Variants in CSMD1 observed in about 807,000 individuals in gnomAD.
CSMD1 encodes CUB and sushi domain-containing protein 1.
A neutral mutation model predicts 417.5 loss-of-function variants in CSMD1; 213 were observed. That is an observed-to-expected ratio of 0.51 (90% confidence interval 0.46 to 0.57). The LOEUF is 0.57. Among genes scored for constraint, CSMD1 ranks in the 20% least tolerant of loss-of-function variants. The pLI, the probability that CSMD1 is intolerant of heterozygous loss-of-function variation, is 0.00. For synonymous variants in CSMD1, 2,862 were observed against 1,736.8 expected (o/e 1.65, Z -16.11); for missense variants, 6,923 against 4,529.7 (o/e 1.53, Z -15.17).
rs1456927947 is a variant in CSMD1 at position 4,829,011 on chromosome 8, T to C, written c.85+165321A>G. 3.9e-5 allele frequency among the ~76,000 whole-genome samples: 6 copies of C among 152,186 alleles called. No individual in the cohort carries two copies. The East Asian group carries it at 1.2e-3, about 29-fold the overall frequency. On this transcript the variant is annotated intron_variant, in intron 1 of 69. Coordinates refer to ENST00000635120, the MANE Select transcript of CSMD1 (RefSeq NM_033225.6). ...TTTATCAAAACTGCACTAATTATTATTATTAGAGATACATTATGATATTGA... is the reference window on the plus strand; with the variant it reads ...TTTATCAAAACTGCACTAATTATTACTATTAGAGATACATTATGATATTGA...
chr8:4,259,281 G>A (rs918051053), intron 3 of CSMD1, among the ~76,000 whole-genome samples: 2 of 152,058 alleles, frequency 1.3e-5, no homozygotes, highest in African/African-American at 2.4e-5. Flanking sequence ...TCCCTGGCTG[G>A]CATTTGAAAT....
At chr8:3,424,499 G>A (rs1374039199) in intron 12 of CSMD1, among the ~76,000 whole-genome samples, 1 of 152,094 alleles carries the variant, frequency 6.6e-6, no homozygotes, top group African/African-American at 2.4e-5. Flanking sequence ...TGTCCCTTAG[G>A]TCATATAGAG....
intron 10 of CSMD1, among the ~76,000 whole-genome samples, chr8:3,556,587 C>G (rs1008651796): frequency 7.3e-5 from 11 of 151,072 alleles, no homozygotes; most frequent in African/African-American, 2.7e-4. Context: ...AGTTCAATAT[C>G]ACTCTATCAT....
chr8:3,911,670 G>T (rs1808477215), intron 5 of CSMD1, among the ~76,000 whole-genome samples: 1 of 151,824 alleles, frequency 6.6e-6, no homozygotes, highest in African/African-American at 2.4e-5. Flanking sequence ...ACATGTCATT[G>T]CTTGTCGGAG....
chr8:3,105,179 A>G lies in CSMD1; in HGVS notation c.6949+1349T>C, dbSNP rs79573017. On this transcript the variant is annotated intron_variant, in intron 46 of 69. Transcript: ENST00000635120. ...TCGGTGAGTCTTTACAACAATCTCAAAAATAAAGCGGATAAATCATCCTCT... is the reference window on the plus strand; with the variant it reads ...TCGGTGAGTCTTTACAACAATCTCAGAAATAAAGCGGATAAATCATCCTCT... Among the ~76,000 whole-genome samples the G allele has an allele frequency of 7.6e-3, 1,163 of 152,340 alleles. 14 individuals carry two copies. The highest frequency in any genetic ancestry group is 0.026 in the African/African-American group (1,084 of 41,582).
intron 65 of CSMD1, among the ~76,000 whole-genome samples, chr8:2,952,270 T>TCTTCAA: frequency 6.6e-6 from 1 of 152,130 alleles, no homozygotes; most frequent in Admixed American, 6.5e-5. Flanking sequence ...TGAAGATTCA[T>TCTTCAA]GTCTCCCTAA....
intron 4 of CSMD1, among the ~76,000 whole-genome samples, chr8:3,999,513 G>A (rs907652467): frequency 6.6e-6 from 1 of 152,138 alleles, no homozygotes; most frequent in Non-Finnish European, 1.5e-5. Context: ...AATCTTGTCG[G>A]CAACAGTAAG....
intron 10 of CSMD1, among the ~76,000 whole-genome samples, chr8:3,507,854 TTTG>T (rs1796895854): frequency 6.6e-6 from 1 of 152,084 alleles, no homozygotes; most frequent in Admixed American, 6.5e-5. Context: ...GATGGGGTTG[TTTG>T]TTTTTTTTCT....
chr8:4,145,092 G>A (rs1412745158), intron 3 of CSMD1, among the ~76,000 whole-genome samples: 1 of 151,168 alleles, frequency 6.6e-6, no homozygotes, highest in Admixed American at 6.6e-5. Flanking sequence ...TGTTAAAAAT[G>A]TAACTTGGTT....
intron 3 of CSMD1, among the ~76,000 whole-genome samples, chr8:4,359,686 C>A (rs1461499823): frequency 6.6e-6 from 1 of 152,156 alleles, no homozygotes; most frequent in Non-Finnish European, 1.5e-5. Context: ...AATCCTCAGC[C>A]CTCTGGGTTT....
At chr8:4,101,816 A>G (rs1801318532) in intron 3 of CSMD1, among the ~76,000 whole-genome samples, 1 of 113,376 alleles carries the variant, frequency 8.8e-6, no homozygotes, top group Non-Finnish European at 1.8e-5. Flanking sequence ...TGAACGGAGA[A>G]TTACTCACTC....
chr8:3,356,228 G>A (rs191726982), intron 21 of CSMD1, among the ~76,000 whole-genome samples: 1 of 152,194 alleles, frequency 6.6e-6, no homozygotes, highest in South Asian at 2.1e-4. Context: ...TATAATTTTA[G>A]AGAAAGGAAC....
At chr8:3,620,781 G>T (rs149615361) in intron 7 of CSMD1, among the ~76,000 whole-genome samples, 32 of 152,188 alleles carry the variant, frequency 2.1e-4, no homozygotes, top group African/African-American at 7.2e-4. Flanking sequence ...TATGAAAATT[G>T]AATAACAACA....
chr8:4,916,066 C>G (rs943188828), intron 1 of CSMD1, among the ~76,000 whole-genome samples: 1 of 152,218 alleles, frequency 6.6e-6, no homozygotes, highest in African/African-American at 2.4e-5. Flanking sequence ...GCAACGCCAG[C>G]ACTTCAGATT....
At chr8:4,697,229 T>C (rs552394383) in intron 1 of CSMD1, among the ~76,000 whole-genome samples, 1 of 152,224 alleles carries the variant, frequency 6.6e-6, no homozygotes, top group South Asian at 2.1e-4. Context: ...TATTTTTGAT[T>C]CTAGAACAGA....
chr8:3,124,521 A>C (rs1817384676), intron 41 of CSMD1, among the ~76,000 whole-genome samples: 1 of 152,220 alleles, frequency 6.6e-6, no homozygotes, highest in Non-Finnish European at 1.5e-5. Context: ...CAGCCAAAGG[A>C]AATAGTATGT....
intron 21 of CSMD1, among the ~76,000 whole-genome samples, chr8:3,351,337 G>A (rs1461154557): frequency 1.3e-5 from 2 of 151,882 alleles, no homozygotes; most frequent in East Asian, 1.9e-4. Flanking sequence ...TTGGCCAGGC[G>A]TGGTGACCCA....
chr8:3,822,816 A>T (rs1448696364), intron 5 of CSMD1, among the ~76,000 whole-genome samples: 1 of 148,708 alleles, frequency 6.7e-6, no homozygotes, highest in Admixed American at 6.7e-5. Context: ...CTTTGGGCTT[A>T]TTTTTTTTTT....
intron 3 of CSMD1, among the ~76,000 whole-genome samples, chr8:4,057,944 G>C (rs1010126672): frequency 2.0e-5 from 3 of 151,050 alleles, no homozygotes; most frequent in Admixed American, 1.3e-4. Flanking sequence ...TAGCCTTGTA[G>C]CATAGTTTGA....
Sources: allele counts gnomAD v4.1 joint callset (sites outside exome capture counted in the v4.1 genomes callset), GRCh38; gene constraint gnomAD v4.1.1; transcripts MANE v1.5; gene names NCBI Gene and HGNC (gene_info 2026-07-23, HGNC 2026-07-21).